NAA30: variants seen among roughly 807,000 people sequenced by gnomAD.
NAA30 encodes N-alpha-acetyltransferase 30.
In NAA30, 5 loss-of-function variants were observed where a neutral mutation model predicts 31.4. The ratio of observed to expected loss-of-function variants is 0.16; its 90% CI spans 0.08 to 0.33. The LOEUF (loss-of-function observed/expected upper bound fraction) is 0.33. Ranked by LOEUF, NAA30 falls within the 10% of genes least tolerant of loss-of-function variation. The pLI is 1.00. For synonymous variants in NAA30, 222 were observed against 207.1 expected (o/e 1.07, Z -0.62); for missense variants, 428 against 490.8 (o/e 0.87, Z 1.21).
At position 57,391,767 on chromosome 14, in the gene NAA30, G is replaced by C; in HGVS notation, c.771+39G>C. On this transcript the variant is annotated intron_variant, in intron 2 of 4. Coordinates refer to ENST00000556492, the MANE Select transcript of NAA30 (RefSeq NM_001011713.3). The surrounding 1 kb of genome is among the most constrained non-coding windows in gnomAD (Gnocchi z 4.1). Reference sequence around the variant, plus strand: ...ATAAAAAGAGGGTGAACCCAGCAGTGATCGAGACTGTGCGGGGCAGGGAGT... The same window carrying C: ...ATAAAAAGAGGGTGAACCCAGCAGTCATCGAGACTGTGCGGGGCAGGGAGT... 1.3e-6 allele frequency: 2 copies of C among 1,528,596 alleles called. No individual in the cohort carries two copies. The highest frequency in any genetic ancestry group is 1.8e-6 in the Non-Finnish European group (2 of 1,125,378). The allele number at this position is 1,528,596 out of a possible 1,614,324, so 94.7% of individuals were successfully genotyped here. A position where few individuals can be genotyped will look rare whatever the true frequency, so the allele number is the denominator to read the frequency against.
intron 2 of NAA30, among the ~76,000 whole-genome samples, chr14:57,394,982 G>A (rs960790596): frequency 6.6e-6 from 1 of 152,086 alleles, no homozygotes; most frequent in Non-Finnish European, 1.5e-5. Flanking sequence ...GTATGTGTAT[G>A]TATTTATACG....
chr14:57,397,276 A>G (rs530721449), intron 3 of NAA30, among the ~76,000 whole-genome samples: 1 of 152,226 alleles, frequency 6.6e-6, no homozygotes, highest in Non-Finnish European at 1.5e-5. Flanking sequence ...AGCCAAAATT[A>G]TGGACAAATT....
At position 57,396,886 on chromosome 14, in the gene NAA30, T is replaced by C. The variant is rs2066452904; in HGVS notation, c.895+11T>C. 6.2e-7 allele frequency: 1 copy of C among 1,612,322 alleles called. No homozygotes were observed. The highest frequency in any genetic ancestry group is 8.5e-7 in the Non-Finnish European group (1 of 1,178,794). On this transcript the variant is annotated intron_variant, in intron 3 of 4. Transcript: ENST00000556492. ...GGAGAAATGGCATTGGTAAGAAAAA[T>C]ATTATTTTATGGAAAGAATGCCTAA...
Position 57,413,337 on chromosome 14 carries a change from A to G in NAA30, c.*3821A>G, listed in dbSNP as rs965007260. ...AAATCTTTACATTATTCTTTAGAGTAATACTGTAAAAGTATCTGAGTTTGT... is the reference window on the plus strand; with the variant it reads ...AAATCTTTACATTATTCTTTAGAGTGATACTGTAAAAGTATCTGAGTTTGT... On this transcript the variant is annotated 3_prime_UTR_variant, in exon 5 of 5. Coordinates refer to ENST00000556492, the MANE Select transcript of NAA30 (RefSeq NM_001011713.3). 2.6e-5 allele frequency: 4 copies of G among 152,212 alleles called. No homozygotes were observed. The highest frequency in any genetic ancestry group is 4.8e-5 in the African/African-American group (2 of 41,446). 9.4% of individuals were successfully genotyped at this position (152,212 alleles called of 1,614,324 possible). A position where few individuals can be genotyped will look rare whatever the true frequency, so the allele number is the denominator to read the frequency against.
rs1324009348 is a variant in NAA30 at position 57,403,550 on chromosome 14, A to G, written c.951+3667A>G. Among the ~76,000 whole-genome samples, 4 of 152,320 alleles carry G rather than the reference A, an allele frequency of 2.6e-5. No individual in the cohort carries two copies. In the East Asian group the frequency reaches 7.7e-4, roughly 29 times the overall value. On this transcript the variant is annotated intron_variant, in intron 4 of 4. Transcript: ENST00000556492. Reference sequence around the variant, plus strand: ...ATATGTTAAAACAGTATAGCTAAAAAATTTTTTCATTTTCTATGTATTTGG... The same window carrying G: ...ATATGTTAAAACAGTATAGCTAAAAGATTTTTTCATTTTCTATGTATTTGG...
intron 2 of NAA30, among the ~76,000 whole-genome samples, chr14:57,395,147 A>G (rs1161000989): frequency 6.6e-6 from 1 of 152,186 alleles, no homozygotes; most frequent in African/African-American, 2.4e-5. Context: ...AGAAATAACA[A>G]TTTCAGAGGT....
chr14:57,405,415 A>ATT (rs1033102678), intron 4 of NAA30, among the ~76,000 whole-genome samples: 1 of 54,750 alleles, frequency 1.8e-5, no homozygotes, highest in Non-Finnish European at 6.3e-5. Context: ...CTAATAATAT[A>ATT]TATGTGTATA....
intron 2 of NAA30, among the ~76,000 whole-genome samples, chr14:57,393,779 A>G (rs1026051127): frequency 1.3e-5 from 2 of 152,172 alleles, no homozygotes; most frequent in Non-Finnish European, 2.9e-5. Flanking sequence ...AAAGTGACTT[A>G]AAATGTTTCA....
At chr14:57,396,979 C>CT (rs1268276181) in intron 3 of NAA30, 104 bp downstream of exon 3, 1 of 1,107,256 alleles carries the variant, frequency 9.0e-7, no homozygotes, top group East Asian at 2.5e-5. Flanking sequence ...ATGAAAGAAA[C>CT]TAAGGGAAGA....
Position 57,391,678 on chromosome 14 carries a change from A to G in NAA30, c.721A>G (p.Ile241Val). Reference protein sequence around the residue: ...ITKDLSEPYSIYTYRYFIHNW... With the variant: ...ITKDLSEPYSVYTYRYFIHNW... ...CAAAGATCTGTCCGAACCCTACTCC[A>G]TTTATACCTATAGATATTTTATCCA... Residue 241 changes from isoleucine (I) to valine (V), a missense_variant, in exon 2 of 5, where the codon ATT becomes GTT. By Grantham distance (29) the Ile-to-Val change is conservative. Coordinates refer to ENST00000556492, the MANE Select transcript of NAA30 (RefSeq NM_001011713.3). This position sits in a 1 kb window ranked among gnomAD's most constrained non-coding sequence, Gnocchi z 4.1. 3 of 1,613,806 alleles carry G rather than the reference A, an allele frequency of 1.9e-6. No individual in the cohort carries two copies. Among genetic ancestry groups the G allele is most frequent in the Non-Finnish European group, 1.7e-6 (2 of 1,179,860 alleles).
intron 4 of NAA30, 38 bp downstream of exon 4, chr14:57,399,921 C>A: frequency 2.1e-6 from 2 of 952,634 alleles, no homozygotes; most frequent in South Asian, 1.5e-5. Flanking sequence ...TTTATCTGGG[C>A]ATTATTCTTT....
intron 3 of NAA30, among the ~76,000 whole-genome samples, chr14:57,397,730 G>T (rs1272478548): frequency 6.6e-6 from 1 of 152,206 alleles, no homozygotes; most frequent in Admixed American, 6.5e-5. Flanking sequence ...TTCAAGACCA[G>T]CCTGGGCAAG....
chr14:57,404,191 G>A (rs769373145), intron 4 of NAA30, among the ~76,000 whole-genome samples: 7 of 152,032 alleles, frequency 4.6e-5, no homozygotes, highest in Non-Finnish European at 1.0e-4. Context: ...GTGTGGTGGT[G>A]CGTGCCTGTA....
intron 2 of NAA30, among the ~76,000 whole-genome samples, chr14:57,393,282 T>C (rs2066437443): frequency 1.3e-5 from 2 of 152,192 alleles, no homozygotes; most frequent in African/African-American, 4.8e-5. Context: ...TTAGTAAACT[T>C]TAGATTTGAT....
Position 57,391,584 on chromosome 14 carries a change from G to T in NAA30, c.627G>T (p.Glu209Asp). ...CGGGCAGGGAGGTTGAGCCTGGGGA[G>T]GATCGGACGATACGATATGTCCGAT... is the stretch of plus-strand genomic sequence containing the variant. ...SPSGREVEPG[E>D]DRTIRYVRYE... The change falls in exon 2 of 5, where the codon GAG becomes GAT. Residue 209 changes from glutamate to aspartate, a missense_variant. Transcript: ENST00000556492. The surrounding 1 kb of genome is among the most constrained non-coding windows in gnomAD (Gnocchi z 4.1). The T allele has an allele frequency of 6.2e-7, 1 of 1,614,250 alleles. No homozygotes were observed. Among genetic ancestry groups the T allele is most frequent in the Non-Finnish European group, 8.5e-7 (1 of 1,180,044 alleles).
intron 2 of NAA30, among the ~76,000 whole-genome samples, chr14:57,394,861 G>T (rs1220826189): frequency 6.6e-6 from 1 of 152,094 alleles, no homozygotes; most frequent in African/African-American, 2.4e-5. Flanking sequence ...TCTGAGGTTT[G>T]TATCATCAAT....
At position 57,409,387 on chromosome 14, in the gene NAA30, G is replaced by A; in HGVS notation, c.960G>A (p.Leu320=). 6.3e-7 allele frequency: 1 copy of A among 1,593,242 alleles called. No homozygotes were observed. Among genetic ancestry groups the A allele is most frequent in the Non-Finnish European group, 8.5e-7 (1 of 1,171,946 alleles). ...MVEGDCDEVV[L]ETEITNKSAL... ...TTCTCATTTCTTTGAAGGTTGTTTT[G>A]GAAACCGAAATAACAAATAAGTCCG... The change falls in exon 5 of 5, where the codon TTG becomes TTA. Residue 320 remains leucine (L), a synonymous_variant. Transcript: ENST00000556492.
At chr14:57,394,502 C>CA (rs60902758) in intron 2 of NAA30, among the ~76,000 whole-genome samples, 1 of 151,934 alleles carries the variant, frequency 6.6e-6, no homozygotes, top group African/African-American at 2.4e-5. Context: ...GAAAAATTGA[C>CA]AAGCAATTTA....
At chr14:57,399,487 G>A (rs1006860131) in intron 3 of NAA30, among the ~76,000 whole-genome samples, 1 of 152,156 alleles carries the variant, frequency 6.6e-6, no homozygotes, top group Non-Finnish European at 1.5e-5. Flanking sequence ...GAGTTCCTGC[G>A]TTGTTCTGGC....
Sources: allele counts gnomAD v4.1 joint callset (sites outside exome capture counted in the v4.1 genomes callset), GRCh38; gene constraint gnomAD v4.1.1; non-coding constraint Gnocchi (gnomAD v3.1); transcripts MANE v1.5; gene names NCBI Gene and HGNC (gene_info 2026-07-23, HGNC 2026-07-21).